The following GET4 variants were observed in gnomAD, a reference collection of about 807,000 sequenced individuals.
GET4 encodes Golgi to ER traffic protein 4 homolog.
GET4 carries 20 observed loss-of-function variants against 40.0 expected under a neutral mutation model. The ratio of observed to expected loss-of-function variants is 0.50; its 90% CI spans 0.35 to 0.73. The LOEUF is 0.73. Ranked by LOEUF, GET4 falls within the 30% of genes least tolerant of loss-of-function variation. The pLI is 0.01. For missense variants in GET4, 557 were observed against 454.0 expected (o/e 1.23, Z -2.06); for synonymous variants, 280 against 194.6 (o/e 1.44, Z -3.65).
chr7:891,202 C>T, intron 5 of GET4, 136 bp downstream of exon 5: 1 of 634,426 alleles, frequency 1.6e-6, no homozygotes, highest in Non-Finnish European at 2.7e-6. Flanking sequence ...GCCCACAGTG[C>T]ACTTGTCAGC....
chr7:877,050 C>T (rs1251683065), intron 1 of GET4, among the ~76,000 whole-genome samples: 1 of 151,668 alleles, frequency 6.6e-6, no homozygotes, highest in Non-Finnish European at 1.5e-5. Flanking sequence ...CTCCTGCGTT[C>T]CTCCTCGGCC....
At chr7:886,717 C>A in intron 3 of GET4, 67 bp downstream of exon 3, 2 of 1,034,134 alleles carry the variant, frequency 1.9e-6, no homozygotes, top group Non-Finnish European at 3.1e-6. Context: ...CCCCGGGTCT[C>A]TGCGCTGTGT....
chr7:893,005 GGT>G (rs1562897970), intron 6 of GET4, among the ~76,000 whole-genome samples: 1 of 151,156 alleles, frequency 6.6e-6, no homozygotes, highest in African/African-American at 2.4e-5. Context: ...CGGGCGTGGT[GGT>G]GTTTGCAGGT....
intron 6 of GET4, among the ~76,000 whole-genome samples, chr7:892,891 T>G (rs1844361375): frequency 6.6e-6 from 1 of 150,496 alleles, no homozygotes; most frequent in Admixed American, 6.6e-5. Flanking sequence ...TGTGTAGACG[T>G]GTGGGTAGCT....
At chr7:878,525 C>T (rs528486385) in intron 1 of GET4, among the ~76,000 whole-genome samples, 1 of 149,618 alleles carries the variant, frequency 6.7e-6, no homozygotes, top group Admixed American at 6.7e-5. Flanking sequence ...TTGGTCTGGC[C>T]TTTATACAGT....
Position 893,534 on chromosome 7 carries a change from C to T in GET4, c.747-206C>T, listed in dbSNP as rs527668639. Among the ~76,000 whole-genome samples, 312 of 123,982 alleles carry T rather than the reference C, an allele frequency of 2.5e-3. 4 individuals carry two copies. The highest frequency in any genetic ancestry group is 8.9e-3 in the African/African-American group (280 of 31,504). The allele number at this position is 123,982 out of a possible 152,430, so 81.3% of individuals were successfully genotyped here. A position where few individuals can be genotyped will look rare whatever the true frequency, so the allele number is the denominator to read the frequency against. On this transcript the variant is annotated intron_variant, in intron 6 of 8. Coordinates refer to ENST00000265857, the MANE Select transcript of GET4 (RefSeq NM_015949.3). The stretch of plus-strand genomic sequence containing the variant: ...GTTGCAGGTGAGTGTTGGGTGTAGG[C>T]GTGGTGGTGTGTGCAGGTGAGTGTT...
At chr7:876,853 A>C in intron 1 of GET4, 53 bp downstream of exon 1, 6 of 992,650 alleles carry the variant, frequency 6.0e-6, no homozygotes, top group Non-Finnish European at 7.6e-6. Context: ...GCCGCCTCCC[A>C]TTGGCCGCGC....
chr7:880,320 G>A (rs1844058749), intron 1 of GET4: 1 of 152,218 alleles, frequency 6.6e-6, no homozygotes, highest in Admixed American at 6.5e-5. Context: ...CAGCCTGGGC[G>A]ATGAGAGAAA....
intron 3 of GET4, chr7:886,947 G>T: frequency 1.9e-6 from 1 of 528,394 alleles, no homozygotes. Context: ...TGGCAAGGTG[G>T]GGCACCACTT....
At chr7:894,687 T>C (rs1454866400) in intron 8 of GET4, among the ~76,000 whole-genome samples, 1 of 152,150 alleles carries the variant, frequency 6.6e-6, no homozygotes, top group African/African-American at 2.4e-5. Context: ...AGAAGCGCCG[T>C]CAGGGCGTGT....
intron 1 of GET4, chr7:880,704 G>A (rs1379371679): frequency 1.3e-5 from 2 of 152,252 alleles, no homozygotes; most frequent in Non-Finnish European, 1.5e-5. Flanking sequence ...AGCCTTTCAA[G>A]CCAGGAATGA....
At position 878,615 on chromosome 7, in the gene GET4, C is replaced by T. The variant is rs77918115; in HGVS notation, c.155+1815C>T. ...TTGCGACGGAGTCTCGCTCTGTCCT[C>T]TGTCCCAGGCTGGAGTGCAATGGTG... On this transcript the variant is annotated intron_variant, in intron 1 of 8. Transcript: ENST00000265857. Among the ~76,000 whole-genome samples, 1,167 of 146,786 alleles carry T rather than the reference C, an allele frequency of 8.0e-3. 57 individuals carry two copies. In the East Asian group the frequency reaches 0.15, roughly 19 times the overall value.
intron 3 of GET4, chr7:886,932 C>G (rs112513269): frequency 9.3e-6 from 5 of 535,476 alleles, no homozygotes; most frequent in Non-Finnish European, 1.7e-5. Flanking sequence ...GGCCTCCCCG[C>G]CAGCTGGCAA....
intron 4 of GET4, among the ~76,000 whole-genome samples, chr7:889,347 G>A (rs529639388): frequency 4.6e-5 from 7 of 152,372 alleles, no homozygotes; most frequent in African/African-American, 1.7e-4. Context: ...GGCTCCATAC[G>A]GGACCTGAGG....
chr7:879,030 C>T (rs1844031233), intron 1 of GET4, among the ~76,000 whole-genome samples: 1 of 152,144 alleles, frequency 6.6e-6, no homozygotes, highest in African/African-American at 2.4e-5. Context: ...GGGGTGCATG[C>T]CTGGTGTGTG....
chr7:887,184 G>C (rs756009347), intron 3 of GET4, 186 bp from the exon 4 acceptor site: 1 of 760,688 alleles, frequency 1.3e-6, no homozygotes, highest in South Asian at 1.4e-5. Context: ...GCTGTGCTCT[G>C]GGGCACATGG....
chr7:889,195 G>A (rs961369656), intron 4 of GET4, among the ~76,000 whole-genome samples: 1 of 152,278 alleles, frequency 6.6e-6, no homozygotes, highest in African/African-American at 2.4e-5. Flanking sequence ...GAGGGGCCCT[G>A]GCTGCCTCCC....
In GET4 at chr7:892,423, G is replaced by A. The variant is rs372327964; in HGVS notation, c.746+5G>A. 367 of 1,584,676 alleles carry A rather than the reference G, an allele frequency of 2.3e-4. 1 individual carries two copies. The highest frequency in any genetic ancestry group is 2.1e-3 in the East Asian group (93 of 43,944). ...CCTGCTGCTGGCTGTGGACGGGTGCGTCTTGGGATCCTGCAGGGGGAGGGG... is the reference window on the plus strand; with the variant it reads ...CCTGCTGCTGGCTGTGGACGGGTGCATCTTGGGATCCTGCAGGGGGAGGGG... On this transcript the variant is annotated splice_donor_5th_base_variant and intron_variant, in intron 6 of 8. Coordinates refer to ENST00000265857, the MANE Select transcript of GET4 (RefSeq NM_015949.3).
At chr7:892,703 G>A (rs898559343) in intron 6 of GET4, among the ~76,000 whole-genome samples, 2 of 151,608 alleles carry the variant, frequency 1.3e-5, no homozygotes, top group South Asian at 2.1e-4. Flanking sequence ...GTGGGTGTGT[G>A]CAGGTGTGGG....
Sources: allele counts gnomAD v4.1 joint callset (sites outside exome capture counted in the v4.1 genomes callset), GRCh38; gene constraint gnomAD v4.1.1; transcripts MANE v1.5; gene names NCBI Gene and HGNC (gene_info 2026-07-23, HGNC 2026-07-21).